ASAH2: variants seen among roughly 807,000 people sequenced by gnomAD.
ASAH2 encodes N-acylsphingosine amidohydrolase 2.
ASAH2 carries 58 observed loss-of-function variants against 82.9 expected under a neutral mutation model. The observed-to-expected ratio is 0.70, with a 90% CI of 0.57 to 0.87. The LOEUF (loss-of-function observed/expected upper bound fraction) is 0.87, where lower values mean the gene tolerates loss of function less well. ASAH2 is among the 40% of genes least tolerant of loss of function. The pLI is 0.00. For synonymous variants in ASAH2, 276 were observed against 289.7 expected (o/e 0.95, Z 0.48); for missense variants, 779 against 834.0 (o/e 0.93, Z 0.81).
At chr10:50,248,343 G>A (rs1479804084) in intron 2 of ASAH2, 141 bp downstream of exon 2, 6 of 1,045,846 alleles carry the variant, frequency 5.7e-6, no homozygotes, top group Non-Finnish European at 8.2e-6. Context: ...GGCAATTAAT[G>A]CAAAGGGAGA....
At chr10:50,216,573 T>C (rs1390125335) in intron 8 of ASAH2, among the ~76,000 whole-genome samples, 1 of 152,298 alleles carries the variant, frequency 6.6e-6, no homozygotes, top group East Asian at 1.9e-4. Context: ...AAAATAAATA[T>C]GCTCTTGGCT....
intron 7 of ASAH2, among the ~76,000 whole-genome samples, chr10:50,223,078 C>T (rs1250168001): frequency 6.6e-6 from 1 of 152,072 alleles, no homozygotes; most frequent in African/African-American, 2.4e-5. Flanking sequence ...GATTGGGGAC[C>T]TTATCCTAGT....
At chr10:50,228,335 T>C (rs1281869011) in intron 7 of ASAH2, among the ~76,000 whole-genome samples, 1 of 151,914 alleles carries the variant, frequency 6.6e-6, no homozygotes. Context: ...CATTTGCAAT[T>C]TGAGTGGGGT....
At chr10:50,233,047 G>C in intron 7 of ASAH2, 137 bp downstream of exon 7, 1 of 774,206 alleles carries the variant, frequency 1.3e-6, no homozygotes, top group Non-Finnish European at 2.3e-6. Context: ...CCCCAGTTGT[G>C]TCTGACTTCA....
chr10:50,224,987 T>G (rs1015964630), intron 7 of ASAH2, among the ~76,000 whole-genome samples: 132 of 152,298 alleles, frequency 8.7e-4, no homozygotes, highest in African/African-American at 2.8e-3. Flanking sequence ...CAGGCACACC[T>G]GGGACAAGCA....
intron 12 of ASAH2, among the ~76,000 whole-genome samples, chr10:50,209,071 A>G (rs1845385849): frequency 6.6e-6 from 1 of 152,196 alleles, no homozygotes; most frequent in South Asian, 2.1e-4. Context: ...TGGTGCTAGG[A>G]TAACTGAATA....
intron 12 of ASAH2, among the ~76,000 whole-genome samples, chr10:50,209,462 G>A (rs1443131111): frequency 6.6e-6 from 1 of 151,278 alleles, no homozygotes; most frequent in Non-Finnish European, 1.5e-5. Flanking sequence ...CGATTGTCCT[G>A]CCTCAGCCTC....
At chr10:50,236,572 T>A (rs961081752) in intron 4 of ASAH2, among the ~76,000 whole-genome samples, 4 of 152,102 alleles carry the variant, frequency 2.6e-5, no homozygotes, top group Non-Finnish European at 5.9e-5. Context: ...CCTCACTGTA[T>A]GTTTGAGGAT....
chr10:50,218,402 T>C lies in ASAH2; in HGVS notation c.1014+108A>G, dbSNP rs1845664691. 4.1e-6 allele frequency: 6 copies of C among 1,480,716 alleles called. No homozygotes were observed. In the South Asian group the frequency reaches 5.7e-5, roughly 14 times the overall value. 91.7% of individuals were successfully genotyped at this position (1,480,716 alleles called of 1,614,324 possible). A position where few individuals can be genotyped will look rare whatever the true frequency, so the allele number is the denominator to read the frequency against. On this transcript the variant is annotated intron_variant, in intron 8 of 20. Transcript: ENST00000682911. ...TATTCAAGCATACCAATATGTGAGA[T>C]TGATGATGACACTTTATTCTGGAGA...
chr10:50,218,130 T>TA (rs145627131), intron 8 of ASAH2, among the ~76,000 whole-genome samples: 139,722 of 152,040 alleles, frequency 0.92, 65,368 homozygotes, highest in East Asian at 1. Flanking sequence ...TCTCAAAAAA[T>TA]AAAATAAAAA....
intron 12 of ASAH2, among the ~76,000 whole-genome samples, chr10:50,207,142 A>G (rs1424725322): frequency 2.0e-5 from 3 of 151,944 alleles, no homozygotes; most frequent in African/African-American, 7.2e-5. Context: ...AAATGAAAAC[A>G]CAACACATCA....
intron 1 of ASAH2, among the ~76,000 whole-genome samples, chr10:50,249,814 G>A (rs1467123533): frequency 6.6e-6 from 1 of 152,144 alleles, no homozygotes; most frequent in African/African-American, 2.4e-5. Flanking sequence ...AATCACAGGT[G>A]GGACCTTCAG....
intron 5 of ASAH2, 46 bp from the exon 6 acceptor site, chr10:50,234,598 G>T (rs1173298517): frequency 1.2e-6 from 2 of 1,611,736 alleles, no homozygotes; most frequent in East Asian, 4.5e-5. Context: ...AGAAATCCTG[G>T]TGGGGACAAT....
chr10:50,215,861 C>A (rs573373704), intron 8 of ASAH2, among the ~76,000 whole-genome samples: 7 of 152,228 alleles, frequency 4.6e-5, no homozygotes, highest in African/African-American at 1.7e-4. Context: ...CACATGTACA[C>A]GTATGTTTAT....
chr10:50,240,385 C>T, intron 4 of ASAH2: 1 of 698,406 alleles, frequency 1.4e-6, no homozygotes, highest in East Asian at 2.7e-5. Context: ...TGGACCCTCA[C>T]CAATAAAGCC....
chr10:50,224,303 A>G (rs2133217403), intron 7 of ASAH2, among the ~76,000 whole-genome samples: 1 of 152,302 alleles, frequency 6.6e-6, no homozygotes, highest in East Asian at 1.9e-4. Flanking sequence ...CTATACTGAT[A>G]CTACTGCTGC....
At chr10:50,240,054 C>T (rs1291495404) in intron 4 of ASAH2, among the ~76,000 whole-genome samples, 2 of 152,004 alleles carry the variant, frequency 1.3e-5, no homozygotes, top group African/African-American at 4.8e-5. Context: ...TCTCGAACTC[C>T]TGACCTCAAG....
chr10:50,214,360 T>C (rs1320334133), intron 9 of ASAH2, among the ~76,000 whole-genome samples: 2 of 152,188 alleles, frequency 1.3e-5, no homozygotes, highest in Non-Finnish European at 2.9e-5. Flanking sequence ...AATTTAGGTC[T>C]TATATTAAAA....
At chr10:50,194,467 A>C (rs1308163552) in intron 18 of ASAH2, among the ~76,000 whole-genome samples, 1 of 151,698 alleles carries the variant, frequency 6.6e-6, no homozygotes, top group Non-Finnish European at 1.5e-5. Flanking sequence ...AGCTAGGCAT[A>C]AAACATGAAA....
Sources: gnomAD v4.1 joint callset for allele counts (sites outside exome capture counted in the v4.1 genomes callset) on GRCh38, gnomAD v4.1.1 for gene constraint, MANE v1.5 for transcripts, NCBI Gene and HGNC (gene_info 2026-07-23, HGNC 2026-07-21) for gene names.